Variants in GREB1L observed in about 807,000 individuals in gnomAD.
GREB1L encodes the protein GREB1-like protein.
A neutral mutation model predicts 200.8 loss-of-function variants in GREB1L; 17 were observed. The ratio of observed to expected loss-of-function variants is 0.08; its 90% CI spans 0.06 to 0.13. The LOEUF (loss-of-function observed/expected upper bound fraction) is 0.13, where lower values mean the gene tolerates loss of function less well. GREB1L is among the 10% of genes least tolerant of loss of function. The pLI is 1.00. For synonymous variants in GREB1L, 789 were observed against 893.0 expected (o/e 0.88, Z 2.08); for missense variants, 1,657 against 2,367.7 (o/e 0.70, Z 6.23).
rs73425785 is a variant in GREB1L at position 21,513,563 on chromosome 18, A to G, written c.4736-258A>G. Among the ~76,000 whole-genome samples the G allele has an allele frequency of 7.9e-3, 1,209 of 152,320 alleles. 20 individuals are homozygous for G. The highest frequency in any genetic ancestry group is 0.028 in the African/African-American group (1,164 of 41,566). On this transcript the variant is annotated intron_variant, in intron 27 of 32. Transcript: ENST00000424526. The stretch of plus-strand genomic sequence containing the variant: ...GTTCATACCATTTGCATCCTCAAAG[A>G]TATCTCTGGTTTCTGGCCCTTACAC...
chr18:21,365,874 A>G (rs1367630003), intron 1 of GREB1L, among the ~76,000 whole-genome samples, 153 bp from the exon 2 acceptor site: 1 of 152,116 alleles, frequency 6.6e-6, no homozygotes, highest in Non-Finnish European at 1.5e-5. Context: ...GCTCATTATA[A>G]TGTATATGGA....
chr18:21,316,354 A>G (rs1445927281), intron 1 of GREB1L, among the ~76,000 whole-genome samples: 1 of 152,208 alleles, frequency 6.6e-6, no homozygotes, highest in African/African-American at 2.4e-5. Context: ...AAGTGGTAGA[A>G]GATAGATCTG....
chr18:21,383,455 A>G, intron 2 of GREB1L, 55 bp from the exon 3 acceptor site: 2 of 1,316,622 alleles, frequency 1.5e-6, no homozygotes, highest in South Asian at 1.6e-5. Context: ...TTTGAGACAT[A>G]GAACCTCTAA....
chr18:21,452,078 A>T lies in GREB1L; in HGVS notation c.1850-5A>T, dbSNP rs1204495647. On this transcript the variant is annotated splice_region_variant and splice_polypyrimidine_tract_variant and intron_variant, in intron 13 of 32. Transcript: ENST00000424526. The stretch of plus-strand genomic sequence containing the variant: ...TGTAACCTTCTTATCTCTATTTTGT[A>T]ATAGGCGATGACCTAGACAAGCTGC... The T allele has an allele frequency of 5.2e-6, 8 of 1,551,692 alleles. No individual in the cohort carries two copies. Among genetic ancestry groups the T allele is most frequent in the Non-Finnish European group, 7.0e-6 (8 of 1,146,858 alleles).
intron 1 of GREB1L, among the ~76,000 whole-genome samples, chr18:21,344,215 C>G (rs911076530): frequency 2.0e-5 from 3 of 152,182 alleles, no homozygotes; most frequent in Admixed American, 6.5e-5. Context: ...TCCTGGCTAA[C>G]ATGGTGAAAC....
chr18:21,377,858 C>T (rs973039819), intron 2 of GREB1L, among the ~76,000 whole-genome samples: 5 of 151,894 alleles, frequency 3.3e-5, no homozygotes, highest in African/African-American at 7.3e-5. Flanking sequence ...TGCAGTGAGC[C>T]GGGGTAGCGC....
chr18:21,430,994 T>TTTTATTTATTTATTTA (rs59970232), intron 7 of GREB1L, among the ~76,000 whole-genome samples: 7 of 140,996 alleles, frequency 5.0e-5, no homozygotes, highest in African/African-American at 1.3e-4. Context: ...TTTTCATTTA[T>TTTTATTTATTTATTTA]TTTATTTATT....
intron 18 of GREB1L, 108 bp from the exon 19 acceptor site, chr18:21,489,904 T>A: frequency 1.3e-6 from 1 of 759,796 alleles, no homozygotes; most frequent in South Asian, 1.8e-5. Flanking sequence ...ACCACACTGA[T>A]CAGTAGCCCC....
At chr18:21,330,226 G>C (rs2039088135) in intron 1 of GREB1L, among the ~76,000 whole-genome samples, 3 of 152,202 alleles carry the variant, frequency 2.0e-5, no homozygotes, top group Admixed American at 6.5e-5. Context: ...CCAACGAGCT[G>C]CAGCCCTGGC....
chr18:21,432,926 T>C (rs1200206278), intron 7 of GREB1L, among the ~76,000 whole-genome samples: 1 of 151,936 alleles, frequency 6.6e-6, no homozygotes, highest in African/African-American at 2.4e-5. Context: ...AGGCTGGTCT[T>C]GAACTCCTGA....
chr18:21,453,439 G>C (rs1359053928), intron 14 of GREB1L, among the ~76,000 whole-genome samples: 1 of 152,208 alleles, frequency 6.6e-6, no homozygotes, highest in African/African-American at 2.4e-5. Flanking sequence ...ATTAGGCCCT[G>C]TTGCAGTTAA....
chr18:21,497,058 G>A (rs1438655813), intron 21 of GREB1L, among the ~76,000 whole-genome samples: 2 of 152,186 alleles, frequency 1.3e-5, no homozygotes, highest in East Asian at 3.8e-4. Context: ...TCCTGAAGCT[G>A]TATGTTTGTG....
chr18:21,499,339 A>G (rs1456350573), intron 21 of GREB1L, among the ~76,000 whole-genome samples: 3 of 152,202 alleles, frequency 2.0e-5, no homozygotes. Flanking sequence ...AAAAGGAGCA[A>G]GAGGTGTGCT....
chr18:21,463,384 A>G (rs887651405), intron 15 of GREB1L, among the ~76,000 whole-genome samples: 69 of 151,908 alleles, frequency 4.5e-4, no homozygotes, highest in African/African-American at 1.6e-3. Flanking sequence ...TGACCTCATG[A>G]TCCGCCCTCC....
chr18:21,483,972 CA>C (rs67820386), intron 17 of GREB1L, among the ~76,000 whole-genome samples: 1 of 84,748 alleles, frequency 1.2e-5, no homozygotes. Flanking sequence ...TGAGACTCCT[CA>C]AAAAAAAAGA....
intron 1 of GREB1L, among the ~76,000 whole-genome samples, chr18:21,351,906 G>A (rs2039438811): frequency 6.6e-6 from 1 of 151,992 alleles, no homozygotes; most frequent in Admixed American, 6.6e-5. Context: ...GGAGTGCAGT[G>A]GCACAATCTT....
intron 1 of GREB1L, among the ~76,000 whole-genome samples, chr18:21,268,532 CA>C (rs2038014866): frequency 2.3e-5 from 2 of 86,848 alleles, no homozygotes; most frequent in South Asian, 8.3e-4. Context: ...TACACACACA[CA>C]CACACACACA....
chr18:21,435,594 G>A (rs2033483999), intron 7 of GREB1L, among the ~76,000 whole-genome samples: 1 of 152,114 alleles, frequency 6.6e-6, no homozygotes, highest in East Asian at 1.9e-4. Flanking sequence ...TAGAGGAAAA[G>A]CAATTCAGAT....
rs559994374 is a variant in GREB1L, at chr18:21,468,750, C to T, written c.2183-4281C>T. 16 of 456,664 alleles carry T rather than the reference C, an allele frequency of 3.5e-5. No homozygotes were observed. The East Asian group carries it at 8.3e-4, about 24-fold the overall frequency. The allele number at this position is 456,664 out of a possible 1,614,324, so 28.3% of individuals were successfully genotyped here. A position where few individuals can be genotyped will look rare whatever the true frequency, so the allele number is the denominator to read the frequency against. On this transcript the variant is annotated intron_variant, in intron 15 of 32. Transcript: ENST00000424526. ...GGTTCCAGTCCAGGTTCACACATTGCATTCAGTTATGTCCTCTTCATCTCC... is the reference window on the plus strand; with the variant it reads ...GGTTCCAGTCCAGGTTCACACATTGTATTCAGTTATGTCCTCTTCATCTCC...
Sources: allele counts gnomAD v4.1 joint callset (sites outside exome capture counted in the v4.1 genomes callset), GRCh38; gene constraint gnomAD v4.1.1; transcripts MANE v1.5; gene names NCBI Gene and HGNC (gene_info 2026-07-23, HGNC 2026-07-21).